DOCK4: variants seen among roughly 807,000 people sequenced by gnomAD.
DOCK4 encodes dedicator of cytokinesis protein 4.
A neutral mutation model predicts 268.1 loss-of-function variants in DOCK4; 97 were observed. The ratio of observed to expected loss-of-function variants is 0.36; its 90% CI spans 0.31 to 0.43. DOCK4 has a LOEUF of 0.43. Among genes scored for constraint, DOCK4 ranks in the 20% least tolerant of loss-of-function variants. DOCK4 has a pLI of 1.00. For missense variants in DOCK4, 2,145 were observed against 2,455.7 expected, an observed-to-expected ratio of 0.87 and a Z score of 2.67; for synonymous variants, 954 against 887.2, an observed-to-expected ratio of 1.08 and a Z score of -1.34.
chr7:111,910,597 T>G (rs1792015985), intron 13 of DOCK4, among the ~76,000 whole-genome samples: 1 of 152,248 alleles, frequency 6.6e-6, no homozygotes, highest in Admixed American at 6.5e-5. Context: ...ACTAATTTCA[T>G]CTCTTTTATT....
Position 111,732,320 on chromosome 7 carries a change from A to G in DOCK4, c.5420-33T>C, listed in dbSNP as rs573133951. 26 of 1,610,032 alleles carry G rather than the reference A, an allele frequency of 1.6e-5. No individual in the cohort carries two copies. The African/African-American group carries it at 3.5e-4, about 21-fold the overall frequency. ...TGGGGAGAGAGATAACATTTCAATT[A>G]AGAAAAACCAGACGATTGACTATCT... On this transcript the variant is annotated intron_variant, in intron 51 of 52. Transcript: ENST00000428084.
At chr7:112,080,623 A>T (rs1808497016) in intron 1 of DOCK4, among the ~76,000 whole-genome samples, 1 of 152,230 alleles carries the variant, frequency 6.6e-6, no homozygotes. Flanking sequence ...GACAATGTGC[A>T]GAAACATCAC....
chr7:112,182,281 T>C (rs576327817), intron 1 of DOCK4, among the ~76,000 whole-genome samples: 1 of 152,352 alleles, frequency 6.6e-6, no homozygotes, highest in South Asian at 2.1e-4. Context: ...ATTTTTCAAA[T>C]CAATTTTGAA....
At chr7:112,183,619 T>G (rs1055183867) in intron 1 of DOCK4, among the ~76,000 whole-genome samples, 4 of 152,144 alleles carry the variant, frequency 2.6e-5, no homozygotes, top group Admixed American at 6.5e-5. Flanking sequence ...TACCTAGTCT[T>G]GTCCAACAAA....
At chr7:112,110,637 A>G (rs996793819) in intron 1 of DOCK4, among the ~76,000 whole-genome samples, 1 of 152,194 alleles carries the variant, frequency 6.6e-6, no homozygotes. Context: ...TCTCTGAGCC[A>G]AAGAGGTGGT....
At chr7:111,949,504 A>G (rs1269611438) in intron 8 of DOCK4, among the ~76,000 whole-genome samples, 4 of 152,206 alleles carry the variant, frequency 2.6e-5, no homozygotes, top group South Asian at 2.1e-4. Flanking sequence ...AAGAATATCA[A>G]TATGTCCTAA....
chr7:111,869,502 GAACC>G, intron 21 of DOCK4, 68 bp downstream of exon 21: 1 of 1,341,948 alleles, frequency 7.5e-7, no homozygotes, highest in Non-Finnish European at 1.1e-6. Flanking sequence ...CTGTGTAGAG[GAACC>G]AATTAGTTTA....
intron 1 of DOCK4, among the ~76,000 whole-genome samples, chr7:112,129,755 C>T (rs576202490): frequency 2.0e-5 from 3 of 152,078 alleles, no homozygotes; most frequent in African/African-American, 7.2e-5. Flanking sequence ...TTAGCTCATT[C>T]ATATGTAGAA....
intron 14 of DOCK4, 32 bp downstream of exon 14, chr7:111,901,645 G>C (rs775040402): frequency 6.2e-7 from 1 of 1,608,192 alleles, no homozygotes; most frequent in Admixed American, 1.7e-5. Context: ...ATACAGACTT[G>C]TTTGACCTGG....
intron 20 of DOCK4, among the ~76,000 whole-genome samples, chr7:111,870,610 C>T (rs1311927235): frequency 6.6e-6 from 1 of 152,152 alleles, no homozygotes; most frequent in African/African-American, 2.4e-5. Context: ...GCATGAGCCA[C>T]TGTGCCCAGC....
chr7:112,052,917 G>T (rs1805488131), intron 1 of DOCK4, among the ~76,000 whole-genome samples: 1 of 152,236 alleles, frequency 6.6e-6, no homozygotes, highest in African/African-American at 2.4e-5. Context: ...CAAAGCAATT[G>T]ACAGAACACA....
intron 16 of DOCK4, among the ~76,000 whole-genome samples, chr7:111,884,710 C>T (rs1448949652): frequency 6.6e-6 from 1 of 152,070 alleles, no homozygotes; most frequent in Non-Finnish European, 1.5e-5. Context: ...ATCATGCAAC[C>T]TGGATAAGGT....
intron 30 of DOCK4, among the ~76,000 whole-genome samples, chr7:111,806,321 TCTC>T (rs773531542): frequency 7.2e-5 from 11 of 152,216 alleles, no homozygotes; most frequent in Non-Finnish European, 1.6e-4. Flanking sequence ...TAATTATTCT[TCTC>T]CTCATTTTAT....
rs767468823 is a variant in DOCK4, at chr7:111,788,680, C to T, written c.3383G>A (p.Arg1128His). 18 of 1,587,428 alleles carry T rather than the reference C, an allele frequency of 1.1e-5. No homozygotes were observed. The highest frequency in any genetic ancestry group is 1.1e-4 in the Admixed American group (6 of 56,464). Residue 1128 changes from arginine (R) to histidine (H), a missense_variant, in exon 32 of 53, where the codon CGC (arginine) becomes CAC (histidine). Physicochemically the swap from Arg to His is conservative, Grantham distance 29. Transcript: ENST00000428084. The stretch of plus-strand genomic sequence containing the variant: ...TACTCACATACTGTTGAAGAGCTCG[C>T]GGTATGTTTCGTCACCTTTGCCTTC... ...MSEGKGDETY[R>H]ELFNSIIPLF...
At chr7:112,133,192 T>C (rs527679733) in intron 1 of DOCK4, among the ~76,000 whole-genome samples, 54 of 152,224 alleles carry the variant, frequency 3.5e-4, no homozygotes, top group African/African-American at 1.2e-3. Context: ...ATGGAGGCCA[T>C]GTGGGTGCCT....
At chr7:111,914,925 G>A (rs1586356670) in intron 13 of DOCK4, among the ~76,000 whole-genome samples, 1 of 152,276 alleles carries the variant, frequency 6.6e-6, no homozygotes, top group South Asian at 2.1e-4. Flanking sequence ...TAGAATGAAT[G>A]AACTCATCTT....
At chr7:111,856,568 G>C (rs918573763) in intron 23 of DOCK4, among the ~76,000 whole-genome samples, 1 of 152,202 alleles carries the variant, frequency 6.6e-6, no homozygotes, top group African/African-American at 2.4e-5. Context: ...AAATCATTAT[G>C]TGGGCAAATC....
chr7:112,090,382 A>C (rs1809509383), intron 1 of DOCK4, among the ~76,000 whole-genome samples: 2 of 152,238 alleles, frequency 1.3e-5, no homozygotes, highest in South Asian at 4.1e-4. Context: ...TTTGAGATAT[A>C]AACATATTTT....
Position 111,901,793 on chromosome 7 carries a change from T to A in DOCK4, c.1201A>T (p.Arg401Trp). 1 of 1,570,286 alleles carries A rather than the reference T, an allele frequency of 6.4e-7. No individual in the cohort carries two copies. Among genetic ancestry groups the A allele is most frequent in the Non-Finnish European group, 8.7e-7 (1 of 1,145,184 alleles). The change falls in exon 14 of 53, where the codon AGG becomes TGG. Residue 401 changes from arginine (R) to tryptophan (W), a missense_variant. Around this residue, in one of 2 missense-constraint regions of DOCK4, gnomAD observed 1,598 missense variants for 1,986.7 expected, o/e 0.80. Transcript: ENST00000428084. Reference sequence around the variant, plus strand: ...TCAATAGTGATATATAAATCATTCCTCATTTCACCTATAAGGAAAGGAAAA... The same window carrying A: ...TCAATAGTGATATATAAATCATTCCACATTTCACCTATAAGGAAAGGAAAA... Reference protein sequence around the residue: ...FSNIIMPGEMRNDLYITIERG... With the variant: ...FSNIIMPGEMWNDLYITIERG...
Sources: allele counts gnomAD v4.1 joint callset (sites outside exome capture counted in the v4.1 genomes callset), GRCh38; gene constraint gnomAD v4.1.1; regional missense constraint gnomAD v4.1.1; transcripts MANE v1.5; gene names NCBI Gene and HGNC (gene_info 2026-07-23, HGNC 2026-07-21).